CCDC91: variants seen among roughly 807,000 people sequenced by gnomAD.
CCDC91 encodes the protein coiled-coil domain-containing protein 91.
In CCDC91, 48 loss-of-function variants were observed where a neutral mutation model predicts 63.2. That is an observed-to-expected ratio of 0.76 (90% CI 0.60 to 0.97). The LOEUF (loss-of-function observed/expected upper bound fraction) is 0.97, where lower values mean the gene tolerates loss of function less well. Among genes scored for constraint, CCDC91 ranks in the 50% least tolerant of loss-of-function variants. CCDC91 has a pLI of 0.00. For synonymous variants in CCDC91, 167 were observed against 165.8 expected (o/e 1.01, Z -0.06); for missense variants, 500 against 494.6 (o/e 1.01, Z -0.10).
At chr12:28,350,937 A>G (rs780117433) in intron 6 of CCDC91, among the ~76,000 whole-genome samples, 22 of 152,150 alleles carry the variant, frequency 1.4e-4, no homozygotes, top group Non-Finnish European at 2.6e-4. Context: ...CAAAGACCCT[A>G]TTTCCAAATA....
intron 11 of CCDC91, among the ~76,000 whole-genome samples, chr12:28,463,838 C>T (rs1175086449): frequency 2.0e-5 from 3 of 152,140 alleles, no homozygotes; most frequent in Admixed American, 2.0e-4. Context: ...TAGAAGGCTT[C>T]ACTGACCATC....
intron 6 of CCDC91, among the ~76,000 whole-genome samples, chr12:28,308,259 T>C (rs1399090842): frequency 6.6e-6 from 1 of 152,054 alleles, no homozygotes; most frequent in Admixed American, 6.6e-5. Flanking sequence ...TAGCAGGATT[T>C]GTTGGCTGTA....
rs1339222314 is a variant in CCDC91 at position 28,421,885 on chromosome 12, C to A, written c.763-28276C>A. ...CTATCATTTCTGTTCCTCTGGGGAA[C>A]CCTGGCTGATACACTTTGTAAATTT... On this transcript the variant is annotated intron_variant, in intron 8 of 12. Transcript: ENST00000536442. Among the ~76,000 whole-genome samples the A allele has an allele frequency of 1.3e-5, 2 of 152,044 alleles. 1 individual carries two copies. Among genetic ancestry groups the A allele is most frequent in the Middle Eastern group, 6.3e-3 (2 of 316 alleles).
chr12:28,441,992 T>C (rs1463930750), intron 8 of CCDC91, among the ~76,000 whole-genome samples: 3 of 151,948 alleles, frequency 2.0e-5, no homozygotes, highest in Non-Finnish European at 2.9e-5. Context: ...CATTATCAAG[T>C]AGGTAGTGGG....
At chr12:28,261,910 T>G (rs974089706) in intron 3 of CCDC91, among the ~76,000 whole-genome samples, 2 of 151,950 alleles carry the variant, frequency 1.3e-5, no homozygotes, top group Non-Finnish European at 2.9e-5. Flanking sequence ...GAATTAACTC[T>G]TTCTAGATTT....
intron 8 of CCDC91, among the ~76,000 whole-genome samples, chr12:28,423,844 G>C (rs1948154151): frequency 6.6e-6 from 1 of 152,120 alleles, no homozygotes; most frequent in African/African-American, 2.4e-5. Context: ...GGTAGCCCCA[G>C]TCTAACTTAA....
At chr12:28,248,239 G>T (rs1945888065) in intron 1 of CCDC91, among the ~76,000 whole-genome samples, 1 of 152,166 alleles carries the variant, frequency 6.6e-6, no homozygotes, top group Non-Finnish European at 1.5e-5. Context: ...TGAGGTTGGT[G>T]GGGGAGATGT....
At chr12:28,475,606 C>A (rs1255029447) in intron 11 of CCDC91, among the ~76,000 whole-genome samples, 1 of 151,848 alleles carries the variant, frequency 6.6e-6, no homozygotes, top group Non-Finnish European at 1.5e-5. Flanking sequence ...CATTGTATAC[C>A]ATCATGTAAT....
chr12:28,221,646 ACC>A (rs1347881053), intron 1 of CCDC91, among the ~76,000 whole-genome samples: 1 of 152,124 alleles, frequency 6.6e-6, no homozygotes, highest in Admixed American at 6.5e-5. Context: ...CTAAGGAGAT[ACC>A]CTCCTGAGGA....
At chr12:28,505,567 C>G (rs982454232) in intron 12 of CCDC91, 1 of 151,852 alleles carries the variant, frequency 6.6e-6, no homozygotes, top group Non-Finnish European at 1.5e-5. Flanking sequence ...CATTTCTTTC[C>G]TTGTTTAAGA....
intron 7 of CCDC91, among the ~76,000 whole-genome samples, chr12:28,363,301 C>A (rs1001661955): frequency 6.6e-6 from 1 of 151,938 alleles, no homozygotes; most frequent in Non-Finnish European, 1.5e-5. Flanking sequence ...TTTACTCTTT[C>A]TTGCTGTATT....
At chr12:28,308,209 T>G (rs1042357487) in intron 6 of CCDC91, among the ~76,000 whole-genome samples, 2 of 152,052 alleles carry the variant, frequency 1.3e-5, no homozygotes, top group African/African-American at 4.8e-5. Flanking sequence ...AGACTAAAAC[T>G]AACTCATTCC....
chr12:28,388,558 CA>C (rs1196510037), intron 7 of CCDC91, among the ~76,000 whole-genome samples: 1 of 152,114 alleles, frequency 6.6e-6, no homozygotes, highest in African/African-American at 2.4e-5. Context: ...ACCAAAGCGT[CA>C]AAAGACTTCT....
At chr12:28,344,435 C>T (rs1942662052) in intron 6 of CCDC91, among the ~76,000 whole-genome samples, 1 of 152,004 alleles carries the variant, frequency 6.6e-6, no homozygotes, top group Non-Finnish European at 1.5e-5. Context: ...GGCCTTCTTT[C>T]CATTTCTATG....
At chr12:28,343,365 G>A (rs549750386) in intron 6 of CCDC91, among the ~76,000 whole-genome samples, 5 of 152,136 alleles carry the variant, frequency 3.3e-5, no homozygotes, top group African/African-American at 1.2e-4. Flanking sequence ...ATATGGAGGT[G>A]GGAATGGGAG....
chr12:28,477,382 T>C (rs1951162340), intron 11 of CCDC91, among the ~76,000 whole-genome samples: 1 of 152,078 alleles, frequency 6.6e-6, no homozygotes, highest in African/African-American at 2.4e-5. Context: ...ATGATTATCT[T>C]GATAGATGCA....
At chr12:28,455,939 T>C (rs1950038176) in intron 11 of CCDC91, among the ~76,000 whole-genome samples, 1 of 152,086 alleles carries the variant, frequency 6.6e-6, no homozygotes, top group African/African-American at 2.4e-5. Context: ...CATGTGACTT[T>C]TTAGAGGAGT....
intron 12 of CCDC91, among the ~76,000 whole-genome samples, chr12:28,490,511 A>T (rs1951942049): frequency 6.6e-6 from 1 of 151,858 alleles, no homozygotes; most frequent in Non-Finnish European, 1.5e-5. Context: ...AAATGGAAAA[A>T]TATTTGGATT....
intron 8 of CCDC91, among the ~76,000 whole-genome samples, chr12:28,440,544 AG>A (rs1949129764): frequency 6.6e-6 from 1 of 152,230 alleles, no homozygotes; most frequent in Non-Finnish European, 1.5e-5. Context: ...GTACACACAA[AG>A]CAATAGTCAT....
Sources: allele counts gnomAD v4.1 joint callset (sites outside exome capture counted in the v4.1 genomes callset), GRCh38; gene constraint gnomAD v4.1.1; transcripts MANE v1.5; gene names NCBI Gene and HGNC (gene_info 2026-07-23, HGNC 2026-07-21).